Variants in ESR1 observed in about 807,000 individuals in gnomAD.
ESR1 encodes estrogen receptor.
A neutral mutation model predicts 52.7 loss-of-function variants in ESR1; 12 were observed. The ratio of observed to expected loss-of-function variants is 0.23; its 90% CI spans 0.15 to 0.37. The LOEUF (loss-of-function observed/expected upper bound fraction) is 0.37, where lower values mean the gene tolerates loss of function less well. ESR1 is among the 10% of genes least tolerant of loss of function. The pLI is 1.00. For missense variants in ESR1, 584 were observed against 779.7 expected, an observed-to-expected ratio of 0.75 and a Z score of 2.99; for synonymous variants, 305 against 316.8, an observed-to-expected ratio of 0.96 and a Z score of 0.39.
chr6:151,920,301 C>CTT (rs11298172), intron 3 of ESR1, among the ~76,000 whole-genome samples: 1,519 of 141,954 alleles, frequency 0.011, 29 homozygotes, highest in African/African-American at 0.037. Flanking sequence ...CCCTTGACTG[C>CTT]TTTTTTTTTT....
upstream of ESR1, among the ~76,000 whole-genome samples, chr6:151,801,956 C>T (rs1777291254): frequency 5.3e-5 from 8 of 152,228 alleles, no homozygotes; most frequent in South Asian, 1.5e-3. Flanking sequence ...TGCCACCTGG[C>T]CCAGATGGTG....
At chr6:151,892,638 CT>C (rs1340798732) in intron 3 of ESR1, among the ~76,000 whole-genome samples, 1 of 140,964 alleles carries the variant, frequency 7.1e-6, no homozygotes, top group Non-Finnish European at 1.5e-5. Flanking sequence ...ATGACTAAGA[CT>C]GGAATCCCAA....
chr6:151,826,098 T>C (rs971861922), intron 1 of ESR1, among the ~76,000 whole-genome samples: 74 of 151,772 alleles, frequency 4.9e-4, no homozygotes, highest in African/African-American at 1.6e-3. Context: ...GGGGAAGGAA[T>C]TGAAAGTTGG....
intron 2 of ESR1, among the ~76,000 whole-genome samples, chr6:151,725,787 C>T (rs1005826361): frequency 6.6e-6 from 1 of 152,194 alleles, no homozygotes; most frequent in Non-Finnish European, 1.5e-5. Flanking sequence ...TGGGAGAGAA[C>T]ATTCTAGTGG....
intron 3 of ESR1, among the ~76,000 whole-genome samples, chr6:151,915,057 C>A (rs972609946): frequency 3.3e-5 from 5 of 151,940 alleles, no homozygotes; most frequent in African/African-American, 1.2e-4. Flanking sequence ...TAAAATATTT[C>A]TAATTCAGTT....
intron 2 of ESR1, among the ~76,000 whole-genome samples, chr6:151,730,330 G>A (rs894471581): frequency 6.6e-6 from 1 of 151,908 alleles, no homozygotes; most frequent in African/African-American, 2.4e-5. Context: ...ACTCTTGAGG[G>A]GAACTCCCTG....
intron 1 of ESR1, among the ~76,000 whole-genome samples, chr6:151,692,244 C>T (rs575098267): frequency 1.3e-5 from 2 of 152,216 alleles, no homozygotes; most frequent in African/African-American, 2.4e-5. Flanking sequence ...TCTACCTTCC[C>T]TTCAAACACT....
intron 6 of ESR1, chr6:152,122,243 G>A (rs370196807): frequency 1.8e-5 from 15 of 817,192 alleles, no homozygotes; most frequent in East Asian, 1.1e-4. Context: ...CTTGTTGTCT[G>A]TTTGTTCCCC....
At chr6:151,680,646 A>G (rs1413766524) in intron 1 of ESR1, among the ~76,000 whole-genome samples, 1 of 152,112 alleles carries the variant, frequency 6.6e-6, no homozygotes, top group Non-Finnish European at 1.5e-5. Flanking sequence ...TGTCGCCATC[A>G]TATTGGGGGT....
At chr6:151,977,425 T>C (rs1008262083) in intron 4 of ESR1, among the ~76,000 whole-genome samples, 1 of 139,712 alleles carries the variant, frequency 7.2e-6, no homozygotes, top group Non-Finnish European at 1.5e-5. Context: ...CTAGGATGGA[T>C]GCTATCTGTG....
chr6:151,961,012 T>A (rs1319603158), intron 4 of ESR1, among the ~76,000 whole-genome samples: 1 of 152,208 alleles, frequency 6.6e-6, no homozygotes, highest in East Asian at 1.9e-4. Flanking sequence ...TATGGGGAAG[T>A]CTACAGGTGG....
intron 3 of ESR1, among the ~76,000 whole-genome samples, chr6:151,940,014 A>G (rs1481475840): frequency 1.3e-5 from 2 of 152,182 alleles, no homozygotes; most frequent in Admixed American, 6.5e-5. Context: ...TCATACTGCT[A>G]TAAAGAAATA....
At chr6:152,079,402 C>T (rs952500060) in intron 6 of ESR1, among the ~76,000 whole-genome samples, 7 of 152,240 alleles carry the variant, frequency 4.6e-5, no homozygotes, top group Admixed American at 2.0e-4. Context: ...AGGGGCCTGA[C>T]GGTTAGAAGG....
chr6:151,880,073 TATG>T (rs999949879), intron 2 of ESR1, among the ~76,000 whole-genome samples: 1 of 151,734 alleles, frequency 6.6e-6, no homozygotes, highest in African/African-American at 2.4e-5. Flanking sequence ...CCACATAAAA[TATG>T]GTGCTACAAA....
chr6:151,993,581 G>A (rs772142925), intron 4 of ESR1, among the ~76,000 whole-genome samples: 1 of 152,218 alleles, frequency 6.6e-6, no homozygotes, highest in African/African-American at 2.4e-5. Context: ...GCTCCTTGCA[G>A]ATCCCGCTCT....
chr6:152,033,710 T>G (rs1423326848), intron 5 of ESR1, among the ~76,000 whole-genome samples: 1 of 152,196 alleles, frequency 6.6e-6, no homozygotes, highest in Non-Finnish European at 1.5e-5. Context: ...TGTAAACTAG[T>G]TCAACCATTG....
At chr6:151,681,954 A>G (rs937441343) in intron 1 of ESR1, among the ~76,000 whole-genome samples, 1 of 152,220 alleles carries the variant, frequency 6.6e-6, no homozygotes, top group Admixed American at 6.5e-5. Flanking sequence ...TGCAGTTTAA[A>G]TAAATCTCCT....
At chr6:152,029,004 C>T (rs1050261697) in intron 5 of ESR1, among the ~76,000 whole-genome samples, 4 of 152,238 alleles carry the variant, frequency 2.6e-5, no homozygotes, top group African/African-American at 9.6e-5. Flanking sequence ...GTTCTGCAGC[C>T]TCCGCTGCTG....
chr6:151,765,512 G>T (rs1182583816), intron 2 of ESR1, among the ~76,000 whole-genome samples: 1 of 152,200 alleles, frequency 6.6e-6, no homozygotes, highest in Non-Finnish European at 1.5e-5. Flanking sequence ...TGGACACATT[G>T]TGTTACTCTC....
Sources: allele counts gnomAD v4.1 joint callset (sites outside exome capture counted in the v4.1 genomes callset), GRCh38; gene constraint gnomAD v4.1.1; transcripts MANE v1.5; gene names NCBI Gene and HGNC (gene_info 2026-07-23, HGNC 2026-07-21).